SRCIN1: variants seen among roughly 807,000 people sequenced by gnomAD.
SRCIN1 encodes P130Cas-associated protein.
SRCIN1 carries 50 observed loss-of-function variants against 116.2 expected under a neutral mutation model. The observed-to-expected ratio is 0.43, with a 90% CI of 0.34 to 0.54. SRCIN1 has a LOEUF of 0.54. Ranked by LOEUF, SRCIN1 falls within the 20% of genes least tolerant of loss-of-function variation. The pLI is 0.02. For synonymous variants in SRCIN1, 736 were observed against 750.0 expected (o/e 0.98, Z 0.30); for missense variants, 1,446 against 1,672.0 (o/e 0.86, Z 2.36).
At chr17:38,539,063 C>T (rs1398048662) in intron 18 of SRCIN1, among the ~76,000 whole-genome samples, 2 of 152,178 alleles carry the variant, frequency 1.3e-5, no homozygotes, top group East Asian at 3.8e-4. Flanking sequence ...GCTGTTTCCA[C>T]CTGGATTGGG....
chr17:38,534,731 A>G (rs2040976151), intron 18 of SRCIN1, among the ~76,000 whole-genome samples: 2 of 152,188 alleles, frequency 1.3e-5, no homozygotes, highest in Non-Finnish European at 2.9e-5. Context: ...GCTGGCTGCA[A>G]TCACCATTTC....
At chr17:38,550,536 A>G (rs965806329) in intron 15 of SRCIN1, among the ~76,000 whole-genome samples, 5 of 152,156 alleles carry the variant, frequency 3.3e-5, no homozygotes, top group Non-Finnish European at 7.4e-5. Flanking sequence ...AATTATAAGG[A>G]TGACTACAGT....
In SRCIN1 at chr17:38,548,595, C is replaced by T. The variant is rs945548379; in HGVS notation, c.3232G>A (p.Asp1078Asn). 1.2e-6 allele frequency: 2 copies of T among 1,612,976 alleles called. No individual in the cohort carries two copies. The highest frequency in any genetic ancestry group is 1.7e-4 in the Middle Eastern group (1 of 6,060). The change falls in exon 17 of 19, where the codon GAC becomes AAC. Residue 1078 changes from aspartate (D) to asparagine (N), a missense_variant. This residue lies in a region of SRCIN1 where 531 missense variants were observed against 633.9 expected (regional missense o/e 0.84). Transcript: ENST00000617146. The part of the protein sequence containing the change: ...TPPIMASAIK[D>N]EDDEDRIIAE... ...ATGATGCGATCCTCGTCATCCTCGT[C>T]CTTGATGGCCGAGGCCATGATGGGT...
In SRCIN1 at chr17:38,533,237, GA is replaced by G; in HGVS notation, c.*59del. On this transcript the variant is annotated 3_prime_UTR_variant, in exon 19 of 19. Transcript: ENST00000617146. ...GGGGTGGGGTGGAGATGAAGGAAGAGAGGGGAGAAATGGCAGGAGTGAGGGA... is the reference window on the plus strand; with the variant it reads ...GGGGTGGGGTGGAGATGAAGGAAGAGGGGGAGAAATGGCAGGAGTGAGGGA... 2 of 1,507,310 alleles carry G rather than the reference GA, an allele frequency of 1.3e-6. No homozygotes were observed. The highest frequency in any genetic ancestry group is 1.8e-6 in the Non-Finnish European group (2 of 1,126,664). The allele number at this position is 1,507,310 out of a possible 1,614,324, so 93.4% of individuals were successfully genotyped here.
rs1389852568 is a variant in SRCIN1, at chr17:38,563,346, G to A, written c.717C>T (p.Val239=). The A allele has an allele frequency of 6.3e-7, 1 of 1,577,136 alleles. No individual in the cohort carries two copies. Among genetic ancestry groups the A allele is most frequent in the Admixed American group, 1.8e-5 (1 of 55,640 alleles). Residue 239 remains valine, a synonymous_variant, in exon 5 of 19, where the codon GTC becomes GTT. Transcript: ENST00000617146. This position sits in a 1 kb window ranked among gnomAD's most constrained non-coding sequence, Gnocchi z 5.8. ...ACCGGACGTCCTCCAGCTCGTAGAA[G>A]ACGTTGCGAGCCTCGTCTTTGATGA... ...AILIKDEARN[V]FYELEDVRDI... is the part of the protein sequence containing the mutation.
intron 1 of SRCIN1, among the ~76,000 whole-genome samples, chr17:38,596,266 T>G (rs1349991890): frequency 1.3e-5 from 2 of 151,778 alleles, no homozygotes; most frequent in Admixed American, 1.3e-4. Flanking sequence ...CCATGGGCCA[T>G]GGGGTTGGGG....
chr17:38,544,222 G>A lies in SRCIN1; in HGVS notation c.3271-253C>T, dbSNP rs371771022. Among the ~76,000 whole-genome samples the A allele has an allele frequency of 5.9e-5, 9 of 152,254 alleles. No individual in the cohort carries two copies. In the East Asian group the frequency reaches 7.7e-4, roughly 13 times the overall value. ...AACGGCTCTTGAGGGAGAGCTCTTCGGTGGCTTCCTTGAGTAGCTCAGGGG... is the reference window on the plus strand; with the variant it reads ...AACGGCTCTTGAGGGAGAGCTCTTCAGTGGCTTCCTTGAGTAGCTCAGGGG... On this transcript the variant is annotated intron_variant, in intron 17 of 18. Transcript: ENST00000617146. The surrounding 1 kb of genome is among the most constrained non-coding windows in gnomAD (Gnocchi z 4.5).
At chr17:38,594,604 G>A (rs553640132) in intron 1 of SRCIN1, among the ~76,000 whole-genome samples, 1 of 144,728 alleles carries the variant, frequency 6.9e-6, no homozygotes, top group Admixed American at 6.9e-5. Context: ...GGCAGCCCCT[G>A]CTGTGGGCCA....
chr17:38,578,437 C>A, intron 2 of SRCIN1, 53 bp downstream of exon 2: 1 of 1,523,316 alleles, frequency 6.6e-7, no homozygotes, highest in Non-Finnish European at 8.8e-7. Context: ...AGACCTCCTC[C>A]CCTGCCCGCT....
intron 1 of SRCIN1, among the ~76,000 whole-genome samples, 187 bp downstream of exon 1, chr17:38,605,497 C>T (rs1909308965): frequency 6.6e-6 from 1 of 150,634 alleles, no homozygotes; most frequent in Non-Finnish European, 1.5e-5. Flanking sequence ...TTCTCCCAAG[C>T]CCGGCGCACA....
chr17:38,593,436 T>C (rs1157228471), intron 1 of SRCIN1, among the ~76,000 whole-genome samples: 3 of 151,942 alleles, frequency 2.0e-5, no homozygotes, highest in Non-Finnish European at 2.9e-5. Flanking sequence ...GCAAGACCCA[T>C]ACAAAGCTTC....
chr17:38,587,170 G>A (rs1908158529), intron 1 of SRCIN1, among the ~76,000 whole-genome samples: 1 of 152,034 alleles, frequency 6.6e-6, no homozygotes, highest in Non-Finnish European at 1.5e-5. Flanking sequence ...CCACCCAGAA[G>A]GGCAGAATTG....
chr17:38,544,069 A>C lies in SRCIN1; in HGVS notation c.3271-100T>G. ...GGGGTCTCGGGGCTGGGACCTCCTC[A>C]GTGGGGCCCTTTGAGACCTGGAGAC... On this transcript the variant is annotated intron_variant, in intron 17 of 18. Transcript: ENST00000617146. The surrounding 1 kb of genome is among the most constrained non-coding windows in gnomAD (Gnocchi z 4.5). 7.1e-7 allele frequency: 1 copy of C among 1,404,130 alleles called. No individual in the cohort carries two copies. The highest frequency in any genetic ancestry group is 1.4e-5 in the South Asian group (1 of 69,570). The allele number at this position is 1,404,130 out of a possible 1,614,324, so 87.0% of individuals were successfully genotyped here. A position where few individuals can be genotyped will look rare whatever the true frequency, so the allele number is the denominator to read the frequency against.
chr17:38,538,198 C>T (rs1904510218), intron 18 of SRCIN1, among the ~76,000 whole-genome samples: 1 of 151,870 alleles, frequency 6.6e-6, no homozygotes, highest in Admixed American at 6.6e-5. Context: ...GTGGGCGAAT[C>T]ACGAGGTCAG....
Position 38,568,076 on chromosome 17 carries a change from C to A in SRCIN1, c.345+135G>T, listed in dbSNP as rs774451150. On this transcript the variant is annotated intron_variant, in intron 3 of 18. Transcript: ENST00000617146. The surrounding 1 kb of genome is among the most constrained non-coding windows in gnomAD (Gnocchi z 4.5). ...AAGCAGCAGCCACAGCCTGCAGCCC[C>A]GAGGCCCACCGCCCATACCAGAAGG... 9.8e-5 allele frequency: 107 copies of A among 1,093,306 alleles called. No homozygotes were observed. The highest frequency in any genetic ancestry group is 1.3e-4 in the Non-Finnish European group (98 of 733,556). 67.7% of individuals were successfully genotyped at this position (1,093,306 alleles called of 1,614,324 possible). A position where few individuals can be genotyped will look rare whatever the true frequency, so the allele number is the denominator to read the frequency against.
intron 1 of SRCIN1, among the ~76,000 whole-genome samples, chr17:38,592,928 T>A (rs752888689): frequency 6.6e-6 from 1 of 151,880 alleles, no homozygotes; most frequent in Non-Finnish European, 1.5e-5. Context: ...CTGCAGAGGC[T>A]GCAAGGCACC....
At chr17:38,551,415 T>C (rs768418828) in intron 14 of SRCIN1, 26 bp from the exon 15 acceptor site, 61 of 1,570,996 alleles carry the variant, frequency 3.9e-5, no homozygotes, top group Middle Eastern at 1.7e-4. Context: ...GGAGTCAGGA[T>C]TGAGGTAGCT....
chr17:38,551,090 C>G, intron 15 of SRCIN1, 65 bp downstream of exon 15: 1 of 682,742 alleles, frequency 1.5e-6, no homozygotes, highest in South Asian at 2.1e-5. Context: ...CCCCCATCAG[C>G]CTGGGCTCCT....
rs1407284261 is a variant in SRCIN1, at chr17:38,551,297, C to G, written c.2820G>C (p.Glu940Asp). The G allele has an allele frequency of 2.5e-6, 4 of 1,613,788 alleles. No homozygotes were observed. Among genetic ancestry groups the G allele is most frequent in the Non-Finnish European group, 3.4e-6 (4 of 1,179,876 alleles). ...CCAGGTCAGGGATGGCCTTGAGCAG[C>G]TCTGCCTGTGTCTCTTCCAGCAGCC... is the stretch of plus-strand genomic sequence containing the variant. ...INRLLEETQA[E>D]LLKAIPDLDC... The change falls in exon 15 of 19, where the codon GAG becomes GAC. Residue 940 changes from glutamate (E) to aspartate (D), a missense_variant. Glu to Asp is a conservative substitution (Grantham distance 45). Around this residue, in one of 5 missense-constraint regions of SRCIN1, gnomAD observed 531 missense variants for 633.9 expected, o/e 0.84. Coordinates refer to ENST00000617146, the MANE Select transcript of SRCIN1 (RefSeq NM_025248.3).
Sources: gnomAD v4.1 joint callset for allele counts (sites outside exome capture counted in the v4.1 genomes callset) on GRCh38, gnomAD v4.1.1 for gene constraint, gnomAD v4.1.1 regional missense constraint, Gnocchi (gnomAD v3.1) non-coding constraint, MANE v1.5 for transcripts, NCBI Gene and HGNC (gene_info 2026-07-23, HGNC 2026-07-21) for gene names.